ABCA12: variants seen among roughly 807,000 people sequenced by gnomAD.
The protein encoded by ABCA12 is glucosylceramide transporter ABCA12.
ABCA12 carries 156 observed loss-of-function variants against 293.5 expected under a neutral mutation model. The ratio of observed to expected loss-of-function variants is 0.53; its 90% CI spans 0.47 to 0.61. ABCA12 has a LOEUF of 0.61. Among genes scored for constraint, ABCA12 ranks in the 20% least tolerant of loss-of-function variants. The pLI is 0.00. For missense variants in ABCA12, 2,797 were observed against 3,090.2 expected (o/e 0.91, Z 2.25); for synonymous variants, 1,063 against 1,108.0 (o/e 0.96, Z 0.81).
In ABCA12 at chr2:215,007,074, C is replaced by T. The variant is rs557600006; in HGVS notation, c.2592+653G>A. On this transcript the variant is annotated intron_variant, in intron 19 of 52. Transcript: ENST00000272895. ...ATTTTTAGTAGAGATGGGGTTTCTC[C>T]GCGTTGGTCAGGCTGGTCTTGAACT... 6.6e-5 allele frequency among the ~76,000 whole-genome samples: 10 copies of T among 152,056 alleles called. No homozygotes were observed. The South Asian group carries it at 8.3e-4, about 13-fold the overall frequency.
intron 11 of ABCA12, chr2:215,025,301 A>C (rs902798012): frequency 5.1e-6 from 1 of 194,446 alleles, no homozygotes; most frequent in Admixed American, 5.6e-5. Flanking sequence ...AAACTCTTTA[A>C]AAACTTTCTT....
At chr2:215,012,213 A>C in intron 15 of ABCA12, 78 bp from the exon 16 acceptor site, 1 of 1,341,596 alleles carries the variant, frequency 7.5e-7, no homozygotes, top group South Asian at 1.2e-5. Flanking sequence ...GGTTGTAGAA[A>C]GGTACAGCCA....
At chr2:215,031,949 T>G (rs773896090) in intron 8 of ABCA12, 53 bp from the exon 9 acceptor site, 1 of 1,609,806 alleles carries the variant, frequency 6.2e-7, no homozygotes, top group Admixed American at 1.7e-5. Flanking sequence ...GCTTAAAGAT[T>G]TTTTTCCTCA....
rs375150695 is a variant in ABCA12 at position 215,136,387 on chromosome 2, A to G, written c.69+1753T>C. Among the ~76,000 whole-genome samples, 214 of 152,330 alleles carry G rather than the reference A, an allele frequency of 1.4e-3. 3 individuals are homozygous for G. The South Asian group carries it at 0.023, about 16-fold the overall frequency. Reference sequence around the variant, plus strand: ...CTACTACTTTCAAAATGAGGAAAAAAATTTGTCATTAAAATTTCTAAAGAT... The same window carrying G: ...CTACTACTTTCAAAATGAGGAAAAAGATTTGTCATTAAAATTTCTAAAGAT... On this transcript the variant is annotated intron_variant, in intron 1 of 52. Coordinates refer to ENST00000272895, the MANE Select transcript of ABCA12 (RefSeq NM_173076.3).
intron 9 of ABCA12, among the ~76,000 whole-genome samples, 193 bp downstream of exon 9, chr2:215,031,628 A>G (rs4673936): frequency 1 from 152,296 of 152,380 alleles, 76,106 homozygotes; most frequent in Non-Finnish European, 1. Flanking sequence ...CAATGCTTAA[A>G]TATCATTAAA....
In ABCA12 at chr2:214,938,111, C is replaced by T. The variant is rs543362356; in HGVS notation, c.7437-496G>A. Among the ~76,000 whole-genome samples, 27 of 151,996 alleles carry T rather than the reference C, an allele frequency of 1.8e-4. No individual in the cohort carries two copies. In the South Asian group the frequency reaches 3.5e-3, roughly 20 times the overall value. The stretch of plus-strand genomic sequence containing the variant: ...CTAATGCTATCCCTCCCCTAGCCCC[C>T]CACCCCCCAACAGACCCTGGTGTGT... On this transcript the variant is annotated intron_variant, in intron 50 of 52. Transcript: ENST00000272895.
At chr2:215,126,081 A>ATCACATTTAAT (rs1702915299) in intron 1 of ABCA12, among the ~76,000 whole-genome samples, 1 of 152,154 alleles carries the variant, frequency 6.6e-6, no homozygotes, top group Non-Finnish European at 1.5e-5. Flanking sequence ...AATTCTGTTT[A>ATCACATTTAAT]TGTGGTGTAT....
intron 36 of ABCA12, among the ~76,000 whole-genome samples, chr2:214,970,744 C>G (rs751483161): frequency 1.3e-5 from 2 of 151,878 alleles, no homozygotes; most frequent in Admixed American, 6.6e-5. Context: ...AAAATTTCCT[C>G]AATAATTCTC....
chr2:215,106,090 T>C (rs1006420298), intron 2 of ABCA12, among the ~76,000 whole-genome samples: 1 of 152,140 alleles, frequency 6.6e-6, no homozygotes, highest in Non-Finnish European at 1.5e-5. Flanking sequence ...CCTGAAAACA[T>C]ACCACAGGAA....
chr2:215,138,224 A>G lies in ABCA12; in HGVS notation c.-16T>C, dbSNP rs1703273588. 2 of 1,613,784 alleles carry G rather than the reference A, an allele frequency of 1.2e-6. No homozygotes were observed. Among genetic ancestry groups the G allele is most frequent in the African/African-American group, 2.7e-5 (2 of 75,000 alleles). On this transcript the variant is annotated 5_prime_UTR_variant, in exon 1 of 53. Coordinates refer to ENST00000272895, the MANE Select transcript of ABCA12 (RefSeq NM_173076.3). The stretch of plus-strand genomic sequence containing the variant: ...GGGAAGCCATCCTTCAAATGCCCCA[A>G]ATGAGAGATTTCCTCTTCTTTTCTC...
Position 215,052,482 on chromosome 2 carries a change from G to T in ABCA12, c.507+5C>A. 6.2e-7 allele frequency: 1 copy of T among 1,611,082 alleles called. No individual in the cohort carries two copies. On this transcript the variant is annotated splice_donor_5th_base_variant and intron_variant, in intron 5 of 52. Transcript: ENST00000272895. ...TCTACCCATTACAAAATTGAATCAA[G>T]TTACCTTTTCCAAGCCAAGAATTCG...
intron 2 of ABCA12, among the ~76,000 whole-genome samples, chr2:215,073,504 T>C (rs1158760084): frequency 6.6e-6 from 1 of 152,024 alleles, no homozygotes; most frequent in African/African-American, 2.4e-5. Context: ...TGATTGGTCA[T>C]ATCAGAAAGG....
At chr2:215,075,709 A>G (rs1701821747) in intron 2 of ABCA12, 1 of 596,704 alleles carries the variant, frequency 1.7e-6, no homozygotes, top group Non-Finnish European at 2.9e-6. Context: ...ACCCATTAAA[A>G]GTAATGAAAT....
At chr2:215,009,006 T>C (rs565325069) in intron 18 of ABCA12, among the ~76,000 whole-genome samples, 1 of 152,274 alleles carries the variant, frequency 6.6e-6, no homozygotes, top group Non-Finnish European at 1.5e-5. Flanking sequence ...GTCATTCTAT[T>C]ATAAAGATGC....
At chr2:215,053,176 T>C (rs1043151229) in intron 4 of ABCA12, among the ~76,000 whole-genome samples, 1 of 152,122 alleles carries the variant, frequency 6.6e-6, no homozygotes, top group Non-Finnish European at 1.5e-5. Context: ...CATCTAGTAT[T>C]ATTTATTTAT....
intron 38 of ABCA12, among the ~76,000 whole-genome samples, chr2:214,968,380 T>A (rs1424339579): frequency 2.0e-5 from 3 of 152,164 alleles, no homozygotes; most frequent in Non-Finnish European, 4.4e-5. Flanking sequence ...TTAACTTGCT[T>A]GTTACATGGA....
chr2:215,103,573 A>G (rs1176979633), intron 2 of ABCA12, among the ~76,000 whole-genome samples: 1 of 151,906 alleles, frequency 6.6e-6, no homozygotes, highest in African/African-American at 2.4e-5. Context: ...ACCTGGCCCT[A>G]TAACATCCCT....
At chr2:215,106,728 TAAAGGGTATGC>T in intron 2 of ABCA12, among the ~76,000 whole-genome samples, 1 of 127,236 alleles carries the variant, frequency 7.9e-6, no homozygotes, top group East Asian at 2.2e-4. Context: ...TCCCTGAAGA[TAAAGGGTATGC>T]TTTGGAGGCA....
At chr2:214,987,911 T>C (rs1699822717) in intron 26 of ABCA12, 118 bp from the exon 27 acceptor site, 1 of 1,315,068 alleles carries the variant, frequency 7.6e-7, no homozygotes, top group Non-Finnish European at 1.1e-6. Flanking sequence ...TTTGACACTA[T>C]ATAAAACTAA....
Sources: allele counts gnomAD v4.1 joint callset (sites outside exome capture counted in the v4.1 genomes callset), GRCh38; gene constraint gnomAD v4.1.1; transcripts MANE v1.5; gene names NCBI Gene and HGNC (gene_info 2026-07-23, HGNC 2026-07-21).